The following MKX variants were observed in gnomAD, a reference collection of about 807,000 sequenced individuals.
MKX encodes mohawk homeobox, also known as homeobox protein Mohawk.
MKX carries 13 observed loss-of-function variants against 36.0 expected under a neutral mutation model. The ratio of observed to expected loss-of-function variants is 0.36; its 90% confidence interval spans 0.24 to 0.57. MKX has a LOEUF of 0.57. Ranked by LOEUF, MKX falls within the 20% of genes least tolerant of loss-of-function variation. The pLI, the probability that MKX is intolerant of heterozygous loss-of-function variation, is 0.79. For synonymous variants in MKX, 176 were observed against 178.3 expected, an observed-to-expected ratio of 0.99 and a Z score of 0.10; for missense variants, 458 against 456.4, an observed-to-expected ratio of 1.00 and a Z score of -0.03.
chr10:27,742,293 T>C lies in MKX; in HGVS notation c.189-789A>G, dbSNP rs1834916915. The stretch of plus-strand genomic sequence containing the variant: ...TGCGCTCCCTCACGGGTCCGGGAGG[T>C]GTCGCGCGCGGCCGCCAGCGAGCCC... On this transcript the variant is annotated intron_variant, in intron 2 of 6. Transcript: ENST00000419761. The surrounding 1 kb of genome is among the most constrained non-coding windows in gnomAD (Gnocchi z 4.2). Among the ~76,000 whole-genome samples the C allele has an allele frequency of 6.6e-6, 1 of 151,844 alleles. No individual in the cohort carries two copies. The highest frequency in any genetic ancestry group is 2.4e-5 in the African/African-American group (1 of 41,350).
At chr10:27,743,607 G>A (rs1420977582) in intron 1 of MKX, 110 bp from the exon 2 acceptor site, 1 of 591,326 alleles carries the variant, frequency 1.7e-6, no homozygotes, top group Non-Finnish European at 2.7e-6. Flanking sequence ...CCGAGGGGAG[G>A]AGCGGCGCCG....
intron 5 of MKX, among the ~76,000 whole-genome samples, chr10:27,727,437 A>C (rs563659961): frequency 6.6e-6 from 1 of 152,344 alleles, no homozygotes; most frequent in Non-Finnish European, 1.5e-5. Flanking sequence ...CCCTGGTACA[A>C]TTGCATTTGA....
chr10:27,696,877 G>A (rs2132519213), intron 5 of MKX, among the ~76,000 whole-genome samples: 1 of 152,198 alleles, frequency 6.6e-6, no homozygotes, highest in African/African-American at 2.4e-5. Context: ...TTTGAATGTA[G>A]GTGACACCTT....
Position 27,686,455 on chromosome 10 carries a change from G to GGAAGA in MKX, c.839-10906_839-10902dup, listed in dbSNP as rs150456747. On this transcript the variant is annotated intron_variant, in intron 5 of 6. Coordinates refer to ENST00000419761, the MANE Select transcript of MKX (RefSeq NM_173576.3). ...GAAGGAAGGAAGGAAGGAAAGAGGG[G>GGAAGA]GAAGAGAAGAGAAGAGAAGAGAAAA... Among the ~76,000 whole-genome samples the GGAAGA allele has an allele frequency of 6.5e-3, 945 of 145,886 alleles. 11 individuals carry two copies. Among genetic ancestry groups the GGAAGA allele is most frequent in the African/African-American group, 0.023 (837 of 36,636 alleles).
chr10:27,743,695 C>T, intron 1 of MKX, 198 bp from the exon 2 acceptor site: 1 of 466,898 alleles, frequency 2.1e-6, no homozygotes, highest in South Asian at 3.3e-5. Context: ...GGACAGGTAC[C>T]TGCCCTCTTC....
intron 5 of MKX, among the ~76,000 whole-genome samples, chr10:27,731,892 C>T (rs1490034845): frequency 6.6e-6 from 1 of 152,124 alleles, no homozygotes; most frequent in African/African-American, 2.4e-5. Context: ...GGCATCTAAT[C>T]TATGTTTTTA....
chr10:27,733,933 T>A, intron 5 of MKX, among the ~76,000 whole-genome samples: 1 of 152,344 alleles, frequency 6.6e-6, no homozygotes, highest in Admixed American at 6.5e-5. Flanking sequence ...TATACCTTTC[T>A]TTCACAAAAG....
Position 27,707,373 on chromosome 10 carries a change from G to T in MKX, c.838+27083C>A, listed in dbSNP as rs534918584. 9.1e-4 allele frequency among the ~76,000 whole-genome samples: 139 copies of T among 152,078 alleles called. 1 individual carries two copies. Among genetic ancestry groups the T allele is most frequent in the Non-Finnish European group, 1.5e-3 (105 of 68,012 alleles). ...TCATTTTTCTTTTGATTAAAAAAAC[G>T]AAATTGAAATATTTTCATGGGTCCT... On this transcript the variant is annotated intron_variant, in intron 5 of 6. Coordinates refer to ENST00000419761, the MANE Select transcript of MKX (RefSeq NM_173576.3).
chr10:27,702,191 C>A (rs907883615), intron 5 of MKX, among the ~76,000 whole-genome samples: 36 of 152,168 alleles, frequency 2.4e-4, no homozygotes, highest in Non-Finnish European at 7.3e-5. Context: ...CCCAAAGCCA[C>A]TGATAGGCCA....
At chr10:27,722,036 A>G (rs1834391262) in intron 5 of MKX, among the ~76,000 whole-genome samples, 1 of 152,218 alleles carries the variant, frequency 6.6e-6, no homozygotes. Flanking sequence ...TTATAAGTAT[A>G]TAACATGTAC....
chr10:27,685,832 C>T (rs1469453021), intron 5 of MKX, among the ~76,000 whole-genome samples: 1 of 152,180 alleles, frequency 6.6e-6, no homozygotes, highest in Admixed American at 6.5e-5. Flanking sequence ...TAAACAGTTC[C>T]TAGGCAGCTG....
chr10:27,744,659 C>A lies in MKX; in HGVS notation c.-83+1048G>T, dbSNP rs1289032670. 2.0e-5 allele frequency: 3 copies of A among 153,074 alleles called. No homozygotes were observed. Among genetic ancestry groups the A allele is most frequent in the Non-Finnish European group, 4.4e-5 (3 of 68,830 alleles). 9.5% of individuals were successfully genotyped at this position (153,074 alleles called of 1,614,324 possible). The stretch of plus-strand genomic sequence containing the variant: ...AGCTTCGCTGCCAGCGCCCCCTTTG[C>A]CCGTCCAGCCGCGGCATGGGCTGCT... On this transcript the variant is annotated intron_variant, in intron 1 of 6. Transcript: ENST00000419761. This position sits in a 1 kb window ranked among gnomAD's most constrained non-coding sequence, Gnocchi z 5.6.
At chr10:27,745,265 G>T (rs1182867387) in intron 1 of MKX, among the ~76,000 whole-genome samples, 1 of 152,172 alleles carries the variant, frequency 6.6e-6, no homozygotes, top group Non-Finnish European at 1.5e-5. Flanking sequence ...CACCCGGCGC[G>T]CTGTAGGTCT....
intron 5 of MKX, among the ~76,000 whole-genome samples, chr10:27,694,527 A>ATAT (rs1554770421): frequency 4.5e-4 from 52 of 114,334 alleles, no homozygotes; most frequent in African/African-American, 1.5e-3. Flanking sequence ...AAAAAAAAAA[A>ATAT]ATATATATAT....
chr10:27,680,383 A>AAAAAAAAAAAG (rs1554768913), intron 5 of MKX, among the ~76,000 whole-genome samples: 3 of 143,128 alleles, frequency 2.1e-5, no homozygotes, highest in Non-Finnish European at 3.0e-5. Context: ...AAAAAAAAAA[A>AAAAAAAAAAAG]AGGTGTGTAG....
At chr10:27,721,011 G>A (rs1176804065) in intron 5 of MKX, among the ~76,000 whole-genome samples, 2 of 152,120 alleles carry the variant, frequency 1.3e-5, no homozygotes, top group African/African-American at 2.4e-5. Flanking sequence ...TTAACCTAAT[G>A]AGAAATATCC....
rs117686334 is a variant in MKX, at chr10:27,700,210, G to T, written c.839-24656C>A. On this transcript the variant is annotated intron_variant, in intron 5 of 6. Coordinates refer to ENST00000419761, the MANE Select transcript of MKX (RefSeq NM_173576.3). ...TTAGATGATTTACTAACAAAGTATGGTATTACTTTGGAAGGTGTGGAGTAG... is the reference window on the plus strand; with the variant it reads ...TTAGATGATTTACTAACAAAGTATGTTATTACTTTGGAAGGTGTGGAGTAG... 3.2e-3 allele frequency among the ~76,000 whole-genome samples: 489 copies of T among 152,278 alleles called. 5 individuals are homozygous for T. The highest frequency in any genetic ancestry group is 5.3e-3 in the Non-Finnish European group (363 of 68,022).
chr10:27,717,984 C>A (rs779289755), intron 5 of MKX, among the ~76,000 whole-genome samples: 1 of 152,170 alleles, frequency 6.6e-6, no homozygotes, highest in South Asian at 2.1e-4. Context: ...ATTTTAAATT[C>A]GTTACTGTGT....
At chr10:27,734,350 G>T in intron 5 of MKX, 106 bp downstream of exon 5, 2 of 1,022,726 alleles carry the variant, frequency 2.0e-6, no homozygotes, top group Non-Finnish European at 2.9e-6. Context: ...GGCAATATGT[G>T]AATAATCTGA....
Sources: allele counts gnomAD v4.1 joint callset (sites outside exome capture counted in the v4.1 genomes callset), GRCh38; gene constraint gnomAD v4.1.1; non-coding constraint Gnocchi (gnomAD v3.1); transcripts MANE v1.5; gene names NCBI Gene and HGNC (gene_info 2026-07-23, HGNC 2026-07-21).